The following UBL3 variants were observed in gnomAD, a reference collection of about 807,000 sequenced individuals.
UBL3 encodes ubiquitin-like protein 3.
In UBL3, 6 loss-of-function variants were observed where a neutral mutation model predicts 18.4. The observed-to-expected ratio is 0.33, with a 90% CI of 0.18 to 0.64. The LOEUF (loss-of-function observed/expected upper bound fraction) is 0.64, where lower values mean the gene tolerates loss of function less well. Ranked by LOEUF, UBL3 falls within the 30% of genes least tolerant of loss-of-function variation. UBL3 has a pLI of 0.76. For missense variants in UBL3, 109 were observed against 142.9 expected (o/e 0.76, Z 1.21); for synonymous variants, 49 against 46.6 (o/e 1.05, Z -0.21).
Position 29,823,949 on chromosome 13 carries a change from C to T in UBL3, c.27+25563G>A, listed in dbSNP as rs540534133. Among the ~76,000 whole-genome samples the T allele has an allele frequency of 1.3e-4, 19 of 148,182 alleles. No homozygotes were observed. In the East Asian group the frequency reaches 2.7e-3, roughly 21 times the overall value. The stretch of plus-strand genomic sequence containing the variant: ...TTCAATTCCCACCTATGAGTGAGAA[C>T]ATGCGGTGTTTGGTTTTCTGTCCTT... On this transcript the variant is annotated intron_variant, in intron 1 of 4. Coordinates refer to ENST00000380680, the MANE Select transcript of UBL3 (RefSeq NM_007106.4).
chr13:29,825,006 C>G (rs371831097), intron 1 of UBL3, among the ~76,000 whole-genome samples: 2 of 152,184 alleles, frequency 1.3e-5, no homozygotes, highest in East Asian at 1.9e-4. Flanking sequence ...TGTCAAAGAT[C>G]AGATGGTTGT....
At chr13:29,781,828 T>TAAAAAAA (rs11357100) in intron 1 of UBL3, among the ~76,000 whole-genome samples, 2 of 82,716 alleles carry the variant, frequency 2.4e-5, no homozygotes, top group Admixed American at 1.4e-4. Flanking sequence ...TACAAAAAAT[T>TAAAAAAA]AAAAAAAAAA....
At chr13:29,778,544 T>G (rs1877062307) in intron 1 of UBL3, among the ~76,000 whole-genome samples, 1 of 152,198 alleles carries the variant, frequency 6.6e-6, no homozygotes, top group Admixed American at 6.5e-5. Context: ...AGAACCTCAT[T>G]GCACCAGTTT....
At chr13:29,799,702 G>T (rs895139594) in intron 1 of UBL3, among the ~76,000 whole-genome samples, 1 of 152,134 alleles carries the variant, frequency 6.6e-6, no homozygotes, top group Non-Finnish European at 1.5e-5. Flanking sequence ...GAAGTATTTT[G>T]AAACCTAGTT....
chr13:29,767,432 TAAG>T (rs1651662997), intron 4 of UBL3, 125 bp from the exon 5 acceptor site: 9 of 1,269,450 alleles, frequency 7.1e-6, no homozygotes, highest in Admixed American at 5.1e-5. Context: ...TTTTCAAAAT[TAAG>T]AAGCTGTAAT....
At chr13:29,803,629 AG>A (rs1316986387) in intron 1 of UBL3, among the ~76,000 whole-genome samples, 1 of 152,104 alleles carries the variant, frequency 6.6e-6, no homozygotes, top group African/African-American at 2.4e-5. Context: ...AAAAGGGAGA[AG>A]GGGTTTCAAT....
chr13:29,770,928 AGT>A (rs1876825167), intron 3 of UBL3, among the ~76,000 whole-genome samples: 1 of 152,082 alleles, frequency 6.6e-6, no homozygotes, highest in Non-Finnish European at 1.5e-5. Context: ...AGTGAAACTC[AGT>A]GTGAGATTAC....
At chr13:29,806,990 A>C (rs1877914781) in intron 1 of UBL3, among the ~76,000 whole-genome samples, 1 of 152,210 alleles carries the variant, frequency 6.6e-6, no homozygotes. Context: ...AATTATAATT[A>C]TCAGTTATTC....
intron 1 of UBL3, among the ~76,000 whole-genome samples, chr13:29,779,046 C>A (rs1244282233): frequency 1.3e-5 from 2 of 152,154 alleles, no homozygotes; most frequent in Non-Finnish European, 2.9e-5. Context: ...AGGAAGAGAT[C>A]TGATAACATG....
intron 2 of UBL3, among the ~76,000 whole-genome samples, chr13:29,776,601 G>A (rs576140436): frequency 2.6e-4 from 39 of 151,772 alleles, no homozygotes; most frequent in African/African-American, 8.9e-4. Flanking sequence ...GGCTAGGCAC[G>A]GTGGCTCACG....
intron 1 of UBL3, among the ~76,000 whole-genome samples, chr13:29,846,063 A>T (rs1229173976): frequency 6.6e-6 from 1 of 152,176 alleles, no homozygotes; most frequent in Non-Finnish European, 1.5e-5. Flanking sequence ...TAACACAGGC[A>T]GTAAATATTT....
At chr13:29,807,388 GAGACTGCC>G (rs1396422312) in intron 1 of UBL3, among the ~76,000 whole-genome samples, 1 of 152,098 alleles carries the variant, frequency 6.6e-6, no homozygotes, top group Non-Finnish European at 1.5e-5. Flanking sequence ...CATAAGAATC[GAGACTGCC>G]AGTCCAGCTG....
intron 1 of UBL3, among the ~76,000 whole-genome samples, chr13:29,802,531 G>T (rs758454480): frequency 6.6e-6 from 1 of 152,178 alleles, no homozygotes; most frequent in Non-Finnish European, 1.5e-5. Context: ...AGGTTCAGGA[G>T]AAAGATGAAA....
chr13:29,832,487 C>G (rs972923418), intron 1 of UBL3, among the ~76,000 whole-genome samples: 2 of 152,082 alleles, frequency 1.3e-5, no homozygotes, highest in African/African-American at 4.8e-5. Context: ...ACCCCACCAC[C>G]GCGCCCGGCT....
At chr13:29,845,725 T>C (rs1593680083) in intron 1 of UBL3, among the ~76,000 whole-genome samples, 1 of 152,124 alleles carries the variant, frequency 6.6e-6, no homozygotes, top group Admixed American at 6.5e-5. Flanking sequence ...AAAACTTGAA[T>C]TGTCATTATC....
intron 1 of UBL3, among the ~76,000 whole-genome samples, chr13:29,848,457 C>CA (rs1879283679): frequency 6.6e-6 from 1 of 150,954 alleles, no homozygotes; most frequent in Non-Finnish European, 1.5e-5. Flanking sequence ...AACTCCGTCT[C>CA]AAAAAATAAA....
At position 29,835,124 on chromosome 13, in the gene UBL3, AAATATATAT is replaced by A. The variant is rs1878906572; in HGVS notation, c.27+14379_27+14387del. ...TATATATAAATATATATATATATAT[AAATATATAT>A]ATATATATATATATATATATATATA... On this transcript the variant is annotated intron_variant, in intron 1 of 4. Transcript: ENST00000380680. Among the ~76,000 whole-genome samples, 4 of 36,718 alleles carry A rather than the reference AAATATATAT, an allele frequency of 1.1e-4. No individual in the cohort carries two copies. The African/African-American group carries it at 1.2e-3, about 11-fold the overall frequency. The allele number at this position is 36,718 out of a possible 152,430, so 24.1% of individuals were successfully genotyped here.
chr13:29,835,644 A>C (rs1469350398), intron 1 of UBL3, among the ~76,000 whole-genome samples: 6 of 148,914 alleles, frequency 4.0e-5, no homozygotes, highest in African/African-American at 1.5e-4. Flanking sequence ...AGTCCCATCT[A>C]CTCGGGAGGC....
At chr13:29,828,088 C>T (rs1354459395) in intron 1 of UBL3, among the ~76,000 whole-genome samples, 1 of 152,156 alleles carries the variant, frequency 6.6e-6, no homozygotes, top group Non-Finnish European at 1.5e-5. Flanking sequence ...GGTAACCCGA[C>T]CTTTCTCTCT....
Sources: gnomAD v4.1 joint callset for allele counts (sites outside exome capture counted in the v4.1 genomes callset) on GRCh38, gnomAD v4.1.1 for gene constraint, MANE v1.5 for transcripts, NCBI Gene and HGNC (gene_info 2026-07-23, HGNC 2026-07-21) for gene names.